Variants in NAV2 observed in about 807,000 individuals in gnomAD.
The protein encoded by NAV2 is neuron navigator 2, also known as helicase, APC down-regulated 1.
A neutral mutation model predicts 223.2 loss-of-function variants in NAV2; 54 were observed. The ratio of observed to expected loss-of-function variants is 0.24; its 90% CI spans 0.19 to 0.30. The LOEUF is 0.30. NAV2 is among the 10% of genes least tolerant of loss of function. The probability of loss-of-function intolerance (pLI) is 1.00; values close to 1 mark genes in which losing one functional copy is unlikely to be tolerated. For missense variants in NAV2, 2,806 were observed against 3,147.5 expected (o/e 0.89, Z 2.60); for synonymous variants, 1,279 against 1,239.3 (o/e 1.03, Z -0.67).
chr11:19,725,495 A>G (rs2051160099), intron 1 of NAV2, among the ~76,000 whole-genome samples: 1 of 152,208 alleles, frequency 6.6e-6, no homozygotes, highest in Admixed American at 6.5e-5. Flanking sequence ...GTCTTTCAAA[A>G]GTATTCCCTC....
At chr11:20,081,321 G>T (rs77934205) in intron 25 of NAV2, among the ~76,000 whole-genome samples, 1 of 152,136 alleles carries the variant, frequency 6.6e-6, no homozygotes, top group South Asian at 2.1e-4. Context: ...TCTCTAATAT[G>T]CAATCGATAA....
At chr11:19,804,377 C>T (rs982041851) in intron 1 of NAV2, among the ~76,000 whole-genome samples, 2 of 152,182 alleles carry the variant, frequency 1.3e-5, no homozygotes, top group African/African-American at 4.8e-5. Flanking sequence ...TGCAAGGTAT[C>T]TAAGTGCTGA....
Position 19,520,838 on chromosome 11 carries a change from C to G in NAV2, c.75+169811C>G, listed in dbSNP as rs548881697. On this transcript the variant is annotated intron_variant, in intron 1 of 37. Coordinates refer to the NAV2 transcript ENST00000360655. The stretch of plus-strand genomic sequence containing the variant: ...GTCCCAAGCTGGCACTCACAGGAGG[C>G]AGGGGCGTGGGCCTTGGGAGAGCAG... Among the ~76,000 whole-genome samples, 13 of 152,344 alleles carry G rather than the reference C, an allele frequency of 8.5e-5. No homozygotes were observed. The South Asian group carries it at 2.7e-3, about 32-fold the overall frequency.
intron 1 of NAV2, among the ~76,000 whole-genome samples, chr11:19,776,605 TGTGG>T (rs137902938): frequency 0.13 from 17,818 of 140,690 alleles, 1,362 homozygotes; most frequent in Middle Eastern, 0.2. Context: ...TGTGTGTGTG[TGTGG>T]TTAGAGTTGT....
chr11:19,524,288 T>C (rs1161353268), intron 1 of NAV2, among the ~76,000 whole-genome samples: 3 of 152,208 alleles, frequency 2.0e-5, no homozygotes, highest in Non-Finnish European at 4.4e-5. Flanking sequence ...GGTTGGGTTA[T>C]GCAACGTCTG....
upstream of NAV2, among the ~76,000 whole-genome samples, chr11:19,348,253 G>A (rs960430160): frequency 6.6e-6 from 1 of 152,220 alleles, no homozygotes; most frequent in Non-Finnish European, 1.5e-5. Context: ...TACAGAGAAA[G>A]CCCAGAGCTG....
At chr11:19,486,214 T>A (rs2042439606) in intron 1 of NAV2, among the ~76,000 whole-genome samples, 1 of 152,068 alleles carries the variant, frequency 6.6e-6, no homozygotes. Flanking sequence ...TGGGTGGAAT[T>A]GAGGCTGGCT....
At chr11:19,452,493 C>T (rs1317536959) in intron 1 of NAV2, among the ~76,000 whole-genome samples, 1 of 152,202 alleles carries the variant, frequency 6.6e-6, no homozygotes, top group Non-Finnish European at 1.5e-5. Flanking sequence ...AGAAATCCTC[C>T]TCTCTCTTCC....
At chr11:20,098,516 G>A (rs1284162466) in intron 31 of NAV2, among the ~76,000 whole-genome samples, 2 of 152,178 alleles carry the variant, frequency 1.3e-5, no homozygotes, top group South Asian at 4.1e-4. Context: ...TCATTCTTTT[G>A]TGTTGTCTCA....
intron 12 of NAV2, 143 bp downstream of exon 12, chr11:20,036,240 T>A: frequency 1.1e-6 from 1 of 949,060 alleles, no homozygotes; most frequent in Middle Eastern, 3.4e-4. Flanking sequence ...GCCTCTGCTC[T>A]CACCTCCTGA....
chr11:19,534,012 A>G (rs1200731376), intron 1 of NAV2, among the ~76,000 whole-genome samples: 2 of 152,034 alleles, frequency 1.3e-5, no homozygotes, highest in Admixed American at 1.3e-4. Context: ...GGCCTCTGGG[A>G]ACTATCTTAT....
chr11:19,415,851 T>A (rs1469758170), intron 1 of NAV2, among the ~76,000 whole-genome samples: 1 of 152,168 alleles, frequency 6.6e-6, no homozygotes, highest in African/African-American at 2.4e-5. Flanking sequence ...AACCACATGA[T>A]TATCTCAGTA....
Position 19,748,590 on chromosome 11 carries a change from A to G in NAV2, c.267+34628A>G, listed in dbSNP as rs556321013. 2.0e-5 allele frequency among the ~76,000 whole-genome samples: 3 copies of G among 152,364 alleles called. No individual in the cohort carries two copies. In the South Asian group the frequency reaches 6.2e-4, roughly 32 times the overall value. ...CTCCACCTAATCCCTGGCGCCTAGC[A>G]TGGTGCCTGGCACAGAGTAAGGAAT... On this transcript the variant is annotated intron_variant, in intron 1 of 37. Transcript: ENST00000349880.
chr11:19,817,707 C>T (rs1301489859), intron 1 of NAV2, among the ~76,000 whole-genome samples: 1 of 152,138 alleles, frequency 6.6e-6, no homozygotes, highest in Non-Finnish European at 1.5e-5. Context: ...AGAGGTCCTG[C>T]AAAGGGAAAA....
chr11:19,528,785 C>T (rs1224811107), intron 1 of NAV2, among the ~76,000 whole-genome samples: 1 of 151,986 alleles, frequency 6.6e-6, no homozygotes, highest in Non-Finnish European at 1.5e-5. Context: ...CAGAAATTAG[C>T]CTGGTGTGAT....
chr11:19,517,360 A>T (rs1256836669), intron 1 of NAV2, among the ~76,000 whole-genome samples: 1 of 152,182 alleles, frequency 6.6e-6, no homozygotes, highest in African/African-American at 2.4e-5. Flanking sequence ...CCTTGAGTGG[A>T]ATCACCAAAC....
At chr11:20,060,366 A>G (rs990843841) in intron 19 of NAV2, among the ~76,000 whole-genome samples, 3 of 152,252 alleles carry the variant, frequency 2.0e-5, no homozygotes, top group African/African-American at 4.8e-5. Flanking sequence ...TCTGTGGAAC[A>G]TTAGGCCACA....
chr11:19,441,457 C>A (rs1264585561), intron 1 of NAV2, among the ~76,000 whole-genome samples: 1 of 151,716 alleles, frequency 6.6e-6, no homozygotes, highest in Non-Finnish European at 1.5e-5. Context: ...CGCACACACA[C>A]ACACACACAC....
intron 1 of NAV2, among the ~76,000 whole-genome samples, chr11:19,785,843 A>G (rs2057075601): frequency 6.6e-6 from 1 of 152,158 alleles, no homozygotes; most frequent in South Asian, 2.1e-4. Flanking sequence ...ATTTGAATAA[A>G]TAGATTTCCA....
Sources: gnomAD v4.1 joint callset for allele counts (sites outside exome capture counted in the v4.1 genomes callset) on GRCh38, gnomAD v4.1.1 for gene constraint, MANE v1.5 for transcripts, NCBI Gene and HGNC (gene_info 2026-07-23, HGNC 2026-07-21) for gene names.